Variants in PRKCH observed in about 807,000 individuals in gnomAD.
PRKCH encodes protein kinase C eta.
In PRKCH, 28 loss-of-function variants were observed where a neutral mutation model predicts 82.5. That is an observed-to-expected ratio of 0.34 (90% CI 0.25 to 0.47). The LOEUF (loss-of-function observed/expected upper bound fraction) is 0.47. PRKCH is among the 20% of genes least tolerant of loss of function. PRKCH has a pLI of 1.00. For missense variants in PRKCH, 705 were observed against 881.8 expected (o/e 0.80, Z 2.54); for synonymous variants, 322 against 327.4 (o/e 0.98, Z 0.18).
At chr14:61,199,732 C>A (rs1171832754) in intron 1 of PRKCH, among the ~76,000 whole-genome samples, 13 of 152,162 alleles carry the variant, frequency 8.5e-5, no homozygotes, top group Non-Finnish European at 1.9e-4. Flanking sequence ...AAACATCAGG[C>A]GCTAGTTCCC....
chr14:61,423,035 G>A (rs1882938401), intron 2 of PRKCH, among the ~76,000 whole-genome samples: 1 of 152,176 alleles, frequency 6.6e-6, no homozygotes, highest in Non-Finnish European at 1.5e-5. Context: ...AATGAATGAA[G>A]TTGCCCAAAT....
At chr14:61,198,679 TC>T (rs2044458546) in intron 1 of PRKCH, among the ~76,000 whole-genome samples, 1 of 152,178 alleles carries the variant, frequency 6.6e-6, no homozygotes. Flanking sequence ...AGTACATTAG[TC>T]AGACTTCCTA....
At chr14:61,320,653 A>G (rs2045605840), upstream of PRKCH, among the ~76,000 whole-genome samples, 1 of 152,148 alleles carries the variant, frequency 6.6e-6, no homozygotes, top group Non-Finnish European at 1.5e-5. Flanking sequence ...TTGGGGAACA[A>G]ATTGGTTGTG....
intron 10 of PRKCH, among the ~76,000 whole-genome samples, chr14:61,494,426 C>T (rs7159886): frequency 0.93 from 141,116 of 152,272 alleles, 65,880 homozygotes; most frequent in Non-Finnish European, 0.99. Context: ...ATGTGTGTGA[C>T]GCTACATATA....
intron 4 of PRKCH, 99 bp downstream of exon 4, chr14:61,445,825 T>C: frequency 3.2e-6 from 4 of 1,251,220 alleles, no homozygotes; most frequent in Non-Finnish European, 4.7e-6. Context: ...AATATTGTGA[T>C]AAATAACTCT....
chr14:61,520,308 C>T (rs1352831140), intron 10 of PRKCH, among the ~76,000 whole-genome samples: 3 of 151,810 alleles, frequency 2.0e-5, no homozygotes, highest in African/African-American at 7.3e-5. Flanking sequence ...TCCTCCTTTT[C>T]TTTATCCCTC....
intron 2 of PRKCH, among the ~76,000 whole-genome samples, chr14:61,425,188 T>C (rs1815811156): frequency 6.6e-6 from 1 of 152,240 alleles, no homozygotes; most frequent in African/African-American, 2.4e-5. Flanking sequence ...ACCGTGGCAC[T>C]GCTTAGTTCA....
At chr14:61,449,371 A>G in intron 5 of PRKCH, 119 bp downstream of exon 5, 2 of 811,648 alleles carry the variant, frequency 2.5e-6, no homozygotes, top group East Asian at 2.8e-5. Flanking sequence ...CCGTCCCCAA[A>G]CCTCTGCTTT....
intron 1 of PRKCH, among the ~76,000 whole-genome samples, chr14:61,354,751 CT>C (rs2046126860): frequency 6.6e-6 from 1 of 152,140 alleles, no homozygotes; most frequent in Non-Finnish European, 1.5e-5. Flanking sequence ...GTATTTTAGG[CT>C]TTTCTGTACT....
rs938091435 is a variant in PRKCH, at chr14:61,350,620, C to T, written c.363+28156C>T. On this transcript the variant is annotated intron_variant, in intron 1 of 13. Transcript: ENST00000332981. Reference sequence around the variant, plus strand: ...CCTCTTAAAGTCACTGAAAGAATATCCCCCCTCCCCCATGGAGGGGTCATA... The same window carrying T: ...CCTCTTAAAGTCACTGAAAGAATATTCCCCCTCCCCCATGGAGGGGTCATA... Among the ~76,000 whole-genome samples, 8 of 152,116 alleles carry T rather than the reference C, an allele frequency of 5.3e-5. No homozygotes were observed. The South Asian group carries it at 8.3e-4, about 16-fold the overall frequency.
At chr14:61,285,443 C>T (rs997148547) in intron 1 of PRKCH, among the ~76,000 whole-genome samples, 8 of 152,184 alleles carry the variant, frequency 5.3e-5, no homozygotes, top group African/African-American at 1.9e-4. Flanking sequence ...GGTCAAATTG[C>T]TTAACTTCTC....
chr14:61,315,611 G>A (rs974567757), intron 1 of PRKCH, among the ~76,000 whole-genome samples: 2 of 151,994 alleles, frequency 1.3e-5, no homozygotes, highest in Non-Finnish European at 2.9e-5. Context: ...TTTAAAATAA[G>A]TACATTTATT....
intron 10 of PRKCH, among the ~76,000 whole-genome samples, chr14:61,486,444 T>C (rs118146449): frequency 0.013 from 1,908 of 152,284 alleles, 58 homozygotes; most frequent in Admixed American, 0.077. Flanking sequence ...GATCATAATA[T>C]ACCATACTTT....
chr14:61,245,079 G>A (rs1297275659), intron 1 of PRKCH, among the ~76,000 whole-genome samples: 1 of 152,138 alleles, frequency 6.6e-6, no homozygotes. Flanking sequence ...TATGTTTCTT[G>A]TTTCCCTCCA....
At chr14:61,343,069 C>T (rs2045947943) in intron 1 of PRKCH, among the ~76,000 whole-genome samples, 1 of 152,144 alleles carries the variant, frequency 6.6e-6, no homozygotes, top group Non-Finnish European at 1.5e-5. Context: ...GACTTCTTGC[C>T]TTTACTTTTA....
chr14:61,312,787 G>A (rs555606756), intron 1 of PRKCH, among the ~76,000 whole-genome samples: 46 of 152,074 alleles, frequency 3.0e-4, no homozygotes, highest in African/African-American at 1.1e-3. Context: ...CCTCCCACTG[G>A]CTCCCTCCAC....
intron 1 of PRKCH, among the ~76,000 whole-genome samples, chr14:61,380,082 T>C (rs1334919002): frequency 6.6e-6 from 1 of 152,066 alleles, no homozygotes; most frequent in African/African-American, 2.4e-5. Flanking sequence ...TATTATGGGG[T>C]TTCACTTTGT....
rs115950038 is a variant in PRKCH at position 61,202,972 on chromosome 14, T to C, written c.-19+15304T>C. 7.9e-3 allele frequency among the ~76,000 whole-genome samples: 1,204 copies of C among 152,222 alleles called. 17 individuals carry two copies. Among genetic ancestry groups the C allele is most frequent in the African/African-American group, 0.027 (1,135 of 41,510 alleles). ...CAATGTCATGCGTCCACCATGACAG[T>C]ATCATACAGAATAGTTTCACCACCC... is the stretch of plus-strand genomic sequence containing the variant. On this transcript the variant is annotated intron_variant, in intron 1 of 3. Coordinates refer to the PRKCH transcript ENST00000555185.
At position 61,300,120 on chromosome 14, in the gene PRKCH, C is replaced by G. The variant is rs191693759; in HGVS notation, c.-19+112452C>G. On this transcript the variant is annotated intron_variant, in intron 1 of 3. Transcript: ENST00000555185. Reference sequence around the variant, plus strand: ...TTATCTCATAATATAGTTTTCCTTTCTCTTTTCTATTTTTCATTTAATATT... The same window carrying G: ...TTATCTCATAATATAGTTTTCCTTTGTCTTTTCTATTTTTCATTTAATATT... 7.2e-5 allele frequency among the ~76,000 whole-genome samples: 11 copies of G among 152,214 alleles called. 1 individual carries two copies. The East Asian group carries it at 2.1e-3, about 29-fold the overall frequency.
Sources: gnomAD v4.1 joint callset for allele counts (sites outside exome capture counted in the v4.1 genomes callset) on GRCh38, gnomAD v4.1.1 for gene constraint, MANE v1.5 for transcripts, NCBI Gene and HGNC (gene_info 2026-07-23, HGNC 2026-07-21) for gene names.